Variants in TRDMT1 observed in about 807,000 individuals in gnomAD.
The protein encoded by TRDMT1 is tRNA aspartic acid methyltransferase 1.
A neutral mutation model predicts 51.2 loss-of-function variants in TRDMT1; 49 were observed. The observed-to-expected ratio is 0.96, with a 90% confidence interval of 0.76 to 1.21. TRDMT1 has a LOEUF of 1.21. TRDMT1 is among the 50% of genes most tolerant of loss of function. The probability of loss-of-function intolerance (pLI) is 0.00; values close to 1 mark genes in which losing one functional copy is unlikely to be tolerated. For synonymous variants in TRDMT1, 187 were observed against 164.6 expected (o/e 1.14, Z -1.04); for missense variants, 534 against 462.3 (o/e 1.16, Z -1.42).
In TRDMT1 at chr10:17,144,713, A is replaced by C; in HGVS notation, c.*4327T>G. 1.0e-6 allele frequency: 1 copy of C among 985,388 alleles called. No homozygotes were observed. The highest frequency in any genetic ancestry group is 1.2e-6 in the Non-Finnish European group (1 of 829,902). 61.0% of individuals were successfully genotyped at this position (985,388 alleles called of 1,614,324 possible). The stretch of plus-strand genomic sequence containing the variant: ...GAATGGTGATGGAGTTTGGATCTTG[A>C]TTGTGTAAGATTTTGAAGAGCATGA... On this transcript the variant is annotated 3_prime_UTR_variant, in exon 11 of 11. Coordinates refer to ENST00000377799, the MANE Select transcript of TRDMT1 (RefSeq NM_004412.7).
chr10:17,166,883 C>T (rs1029574249), intron 3 of TRDMT1, among the ~76,000 whole-genome samples: 1 of 152,124 alleles, frequency 6.6e-6, no homozygotes, highest in Non-Finnish European at 1.5e-5. Flanking sequence ...ACTCCACAGG[C>T]CACACTCTTG....
intron 2 of TRDMT1, among the ~76,000 whole-genome samples, chr10:17,170,459 A>C (rs1215769815): frequency 6.6e-6 from 1 of 152,220 alleles, no homozygotes; most frequent in Non-Finnish European, 1.5e-5. Flanking sequence ...ATATTAGATC[A>C]AGTCAGTGGG....
chr10:17,169,349 G>T (rs190718322), intron 2 of TRDMT1: 12 of 1,214,864 alleles, frequency 9.9e-6, no homozygotes, highest in Non-Finnish European at 1.0e-6. Context: ...GTGATATGCA[G>T]ACCAGTCACC....
chr10:17,138,236 G>A lies in TRDMT1; in HGVS notation c.*10804C>T, dbSNP rs1338597726. 3.3e-5 allele frequency among the ~76,000 whole-genome samples: 5 copies of A among 152,140 alleles called. No individual in the cohort carries two copies. The highest frequency in any genetic ancestry group is 1.2e-4 in the African/African-American group (5 of 41,420). ...TATCAGTTTAAAACAGAACACTGTA[G>A]AATTAATCTGGTTTTTAGTCATTAA... On this transcript the variant is annotated 3_prime_UTR_variant, in exon 11 of 11. Transcript: ENST00000377799.
intron 1 of TRDMT1, among the ~76,000 whole-genome samples, chr10:17,193,230 G>T (rs1272642829): frequency 6.6e-6 from 1 of 152,148 alleles, no homozygotes; most frequent in Non-Finnish European, 1.5e-5. Flanking sequence ...AGGCATGGTG[G>T]CGCATGCCTG....
At position 17,146,895 on chromosome 10, in the gene TRDMT1, G is replaced by A. The variant is rs1838160386; in HGVS notation, c.*2145C>T. ...GGTAGATACATCTTCATTAAGATGT[G>A]AGTTTTATGCTTGTTACTGCATATT... is the stretch of plus-strand genomic sequence containing the variant. On this transcript the variant is annotated 3_prime_UTR_variant, in exon 11 of 11. Transcript: ENST00000377799. The A allele has an allele frequency of 1.0e-6, 1 of 981,438 alleles. No individual in the cohort carries two copies. Among genetic ancestry groups the A allele is most frequent in the Non-Finnish European group, 1.2e-6 (1 of 828,224 alleles). The allele number at this position is 981,438 out of a possible 1,614,324, so 60.8% of individuals were successfully genotyped here. A position where few individuals can be genotyped will look rare whatever the true frequency, so the allele number is the denominator to read the frequency against.
At chr10:17,173,573 A>G (rs909712825) in intron 2 of TRDMT1, among the ~76,000 whole-genome samples, 2 of 152,254 alleles carry the variant, frequency 1.3e-5, no homozygotes, top group African/African-American at 4.8e-5. Flanking sequence ...ACTAAGAACA[A>G]TTTAGCATGA....
At chr10:17,149,326 A>C (rs1307901315) in intron 10 of TRDMT1, among the ~76,000 whole-genome samples, 186 bp from the exon 11 acceptor site, 1 of 152,200 alleles carries the variant, frequency 6.6e-6, no homozygotes, top group Non-Finnish European at 1.5e-5. Context: ...TTGCCTACAC[A>C]GTGAGATAGT....
At position 17,159,869 on chromosome 10, in the gene TRDMT1, T is replaced by C. The variant is rs1840064726; in HGVS notation, c.459+436A>G. ...CATGATCAATTACTTAAATTTCTTATCCATGAAATGGAAGCAGTGTTTTCA... is the reference window on the plus strand; with the variant it reads ...CATGATCAATTACTTAAATTTCTTACCCATGAAATGGAAGCAGTGTTTTCA... On this transcript the variant is annotated intron_variant, in intron 6 of 10. Transcript: ENST00000377799. 3.9e-5 allele frequency among the ~76,000 whole-genome samples: 6 copies of C among 152,168 alleles called. No individual in the cohort carries two copies. In the South Asian group the frequency reaches 1.0e-3, roughly 26 times the overall value.
Position 17,143,201 on chromosome 10 carries a change from T to C in TRDMT1, c.*5839A>G, listed in dbSNP as rs1837825507. Reference sequence around the variant, plus strand: ...TGTGGTGCTTTCTATGTAGCTTCAATATTGATTCCAGTATGGTTCCTACAT... The same window carrying C: ...TGTGGTGCTTTCTATGTAGCTTCAACATTGATTCCAGTATGGTTCCTACAT... On this transcript the variant is annotated 3_prime_UTR_variant, in exon 11 of 11. Coordinates refer to ENST00000377799, the MANE Select transcript of TRDMT1 (RefSeq NM_004412.7). The C allele has an allele frequency of 8.1e-6, 8 of 985,458 alleles. No individual in the cohort carries two copies. Among genetic ancestry groups the C allele is most frequent in the Non-Finnish European group, 8.4e-6 (7 of 829,940 alleles). The allele number at this position is 985,458 out of a possible 1,614,324, so 61.0% of individuals were successfully genotyped here. A position where few individuals can be genotyped will look rare whatever the true frequency, so the allele number is the denominator to read the frequency against.
intron 1 of TRDMT1, among the ~76,000 whole-genome samples, chr10:17,189,564 C>A (rs1201504270): frequency 1.3e-5 from 2 of 152,024 alleles, no homozygotes; most frequent in South Asian, 2.1e-4. Flanking sequence ...ATAGTTTTAA[C>A]AATTATCTCA....
chr10:17,159,551 A>C (rs1840021189), intron 6 of TRDMT1, among the ~76,000 whole-genome samples: 1 of 152,148 alleles, frequency 6.6e-6, no homozygotes, highest in Admixed American at 6.6e-5. Flanking sequence ...TTAATAATTT[A>C]AAAATTCAAA....
chr10:17,189,748 T>C (rs765252272), intron 1 of TRDMT1, among the ~76,000 whole-genome samples: 26 of 152,276 alleles, frequency 1.7e-4, no homozygotes, highest in Non-Finnish European at 3.4e-4. Context: ...ATGATTTCAA[T>C]TTAACTAGAA....
intron 1 of TRDMT1, among the ~76,000 whole-genome samples, chr10:17,177,229 C>T (rs1842733952): frequency 2.6e-5 from 1 of 38,636 alleles, no homozygotes. Flanking sequence ...TAGTGTCTCA[C>T]TCTGTTGCCC....
intron 6 of TRDMT1, among the ~76,000 whole-genome samples, chr10:17,159,462 T>A (rs1382616903): frequency 3.9e-5 from 6 of 152,158 alleles, no homozygotes; most frequent in African/African-American, 1.2e-4. Context: ...CTGACAAATA[T>A]ATCTACAAGT....
At chr10:17,151,458 G>A (rs1340987820) in intron 10 of TRDMT1, 1 of 969,950 alleles carries the variant, frequency 1.0e-6, no homozygotes, top group African/African-American at 1.8e-5. Flanking sequence ...ATCATTGCCA[G>A]TAGACAAACA....
chr10:17,150,995 ATGTGTGTGTGCATGTG>A (rs1838630692), intron 10 of TRDMT1: 1 of 984,558 alleles, frequency 1.0e-6, no homozygotes. Flanking sequence ...AATTATATCT[ATGTGTGTGTGCATGTG>A]TGTGTGTGTG....
In TRDMT1 at chr10:17,161,551, A is replaced by G. The variant is rs1351636291; in HGVS notation, c.324-3T>C. 6.4e-6 allele frequency: 8 copies of G among 1,244,488 alleles called. No homozygotes were observed. Among genetic ancestry groups the G allele is most frequent in the Non-Finnish European group, 8.7e-6 (8 of 915,828 alleles). 77.1% of individuals were successfully genotyped at this position (1,244,488 alleles called of 1,614,324 possible). A position where few individuals can be genotyped will look rare whatever the true frequency, so the allele number is the denominator to read the frequency against. On this transcript the variant is annotated splice_region_variant and splice_polypyrimidine_tract_variant and intron_variant, in intron 4 of 10. Transcript: ENST00000377799. ...TATACTTTGGTAATTTTTGTAATCT[A>G]TAAAAAAATAAACAAATGGAATTCT...
chr10:17,150,932 A>G (rs1838616826), intron 10 of TRDMT1: 24 of 985,256 alleles, frequency 2.4e-5, no homozygotes, highest in Non-Finnish European at 2.9e-5. Context: ...GCAATATTAC[A>G]ATTACCTCAG....
Sources: gnomAD v4.1 joint callset for allele counts (sites outside exome capture counted in the v4.1 genomes callset) on GRCh38, gnomAD v4.1.1 for gene constraint, MANE v1.5 for transcripts, NCBI Gene and HGNC (gene_info 2026-07-23, HGNC 2026-07-21) for gene names.